Variants in ABLIM1 observed in about 807,000 individuals in gnomAD.
ABLIM1 encodes actin binding LIM protein 1.
A neutral mutation model predicts 107.0 loss-of-function variants in ABLIM1; 40 were observed. The observed-to-expected ratio is 0.37, with a 90% CI of 0.29 to 0.49. The LOEUF (loss-of-function observed/expected upper bound fraction) is 0.49, where lower values mean the gene tolerates loss of function less well. Ranked by LOEUF, ABLIM1 falls within the 20% of genes least tolerant of loss-of-function variation. ABLIM1 has a pLI of 0.97. For synonymous variants in ABLIM1, 357 were observed against 357.3 expected (o/e 1.00, Z 0.01); for missense variants, 857 against 1,008.5 (o/e 0.85, Z 2.04).
intron 1 of ABLIM1, among the ~76,000 whole-genome samples, chr10:114,725,953 G>C (rs568526240): frequency 6.6e-6 from 1 of 152,058 alleles, no homozygotes; most frequent in Admixed American, 6.5e-5. Flanking sequence ...TCGCTATTTG[G>C]CCTGGGCTGG....
intron 1 of ABLIM1, among the ~76,000 whole-genome samples, chr10:114,675,120 T>G (rs2080424211): frequency 6.6e-6 from 1 of 152,178 alleles, no homozygotes; most frequent in Non-Finnish European, 1.5e-5. Flanking sequence ...CTATGTTCCA[T>G]TCACCCTATG....
At chr10:114,543,565 C>A (rs963469198) in intron 6 of ABLIM1, among the ~76,000 whole-genome samples, 1 of 152,192 alleles carries the variant, frequency 6.6e-6, no homozygotes, top group African/African-American at 2.4e-5. Flanking sequence ...TTCTACCTTT[C>A]GGCTGATGTG....
Position 114,439,192 on chromosome 10 carries a change from T to C in ABLIM1, c.2126A>G (p.Asn709Ser). ...MRMDRGVSMP[N>S]MLEPKIFPYE... Reference sequence around the variant, plus strand: ...TGCACTTGCCTTTGGTTCCAACATGTTGGGCATAGACACTCCTCGGTCCAT... The same window carrying C: ...TGCACTTGCCTTTGGTTCCAACATGCTGGGCATAGACACTCCTCGGTCCAT... Residue 709 changes from asparagine to serine, a missense_variant, in exon 21 of 23, where the codon AAC becomes AGC. Physicochemically the swap from Asn to Ser is conservative, Grantham distance 46. This residue lies in a region of ABLIM1 where 193 missense variants were observed against 208.5 expected (regional missense o/e 0.93). Coordinates refer to ENST00000533213, the MANE Select transcript of ABLIM1 (RefSeq NM_002313.7). The C allele has an allele frequency of 6.2e-7, 1 of 1,614,250 alleles. No homozygotes were observed. Among genetic ancestry groups the C allele is most frequent in the East Asian group, 2.2e-5 (1 of 44,882 alleles).
At chr10:114,790,467 A>G in the ABLIM1 span, among the ~76,000 whole-genome samples, 1 of 152,226 alleles carries the variant, frequency 6.6e-6, no homozygotes, top group Non-Finnish European at 1.5e-5. Flanking sequence ...TAGTGAATTT[A>G]AATTGTGTGT....
At chr10:114,436,791 G>A (rs2059464771) in intron 22 of ABLIM1, among the ~76,000 whole-genome samples, 1 of 152,006 alleles carries the variant, frequency 6.6e-6, no homozygotes, top group Non-Finnish European at 1.5e-5. Context: ...GAGGAATAGG[G>A]GGTAAGGTGG....
chr10:114,633,036 C>T (rs1264904067), intron 1 of ABLIM1, among the ~76,000 whole-genome samples: 1 of 152,180 alleles, frequency 6.6e-6, no homozygotes, highest in Non-Finnish European at 1.5e-5. Context: ...CTTACCGGGT[C>T]CCGACCGCAT....
intron 1 of ABLIM1, among the ~76,000 whole-genome samples, chr10:114,635,150 TTTTA>T (rs1446045343): frequency 6.6e-6 from 1 of 152,090 alleles, no homozygotes; most frequent in African/African-American, 2.4e-5. Context: ...CAACCCACGG[TTTTA>T]TTTGTTGTTT....
intron 4 of ABLIM1, 39 bp downstream of exon 4, chr10:114,571,258 A>G (rs1331187628): frequency 1.3e-6 from 2 of 1,566,470 alleles, no homozygotes; most frequent in South Asian, 1.1e-5. Flanking sequence ...CCTCTGGACT[A>G]CATAGGTATT....
At chr10:114,440,146 A>G in intron 19 of ABLIM1, 57 bp from the exon 20 acceptor site, 2 of 1,508,382 alleles carry the variant, frequency 1.3e-6, no homozygotes, top group South Asian at 2.3e-5. Flanking sequence ...AAAGCAAGGA[A>G]CCATTCACAG....
chr10:114,652,667 C>G (rs2079305445), intron 1 of ABLIM1, among the ~76,000 whole-genome samples: 1 of 152,236 alleles, frequency 6.6e-6, no homozygotes, highest in African/African-American at 2.4e-5. Context: ...CAGCTGACAA[C>G]ATAATCACTG....
exon 1 of ABLIM1, chr10:114,684,397 G>A (rs1182050393): frequency 1.2e-6 from 2 of 1,612,792 alleles, no homozygotes; most frequent in Non-Finnish European, 1.7e-6. Context: ...TAGGCATCTG[G>A]CACACAGAAA....
chr10:114,670,151 G>C (rs2141374548), intron 1 of ABLIM1, among the ~76,000 whole-genome samples: 1 of 152,274 alleles, frequency 6.6e-6, no homozygotes, highest in Middle Eastern at 3.4e-3. Flanking sequence ...GCGGGCCAAA[G>C]GAAACATCAC....
At chr10:114,448,084 C>A in intron 14 of ABLIM1, 64 bp from the exon 15 acceptor site, 2 of 1,598,432 alleles carry the variant, frequency 1.3e-6, no homozygotes, top group Admixed American at 1.7e-5. Flanking sequence ...GCGGTACAAC[C>A]CCACTTACAT....
intron 4 of ABLIM1, among the ~76,000 whole-genome samples, chr10:114,556,776 G>A (rs1403127821): frequency 6.6e-6 from 1 of 152,154 alleles, no homozygotes. Flanking sequence ...ACACCTAGGA[G>A]TTGACAAATA....
intron 1 of ABLIM1, among the ~76,000 whole-genome samples, chr10:114,719,720 G>T (rs906411185): frequency 6.6e-6 from 1 of 152,182 alleles, no homozygotes; most frequent in African/African-American, 2.4e-5. Flanking sequence ...TCTGGCTGAA[G>T]TCAGGCTCCC....
chr10:114,595,855 T>C (rs977711221), intron 2 of ABLIM1, among the ~76,000 whole-genome samples: 1 of 152,192 alleles, frequency 6.6e-6, no homozygotes, highest in Non-Finnish European at 1.5e-5. Flanking sequence ...CACAGTTATA[T>C]AGCTTCAGCC....
At chr10:114,602,714 G>T (rs1318205651) in intron 1 of ABLIM1, among the ~76,000 whole-genome samples, 1 of 152,206 alleles carries the variant, frequency 6.6e-6, no homozygotes, top group African/African-American at 2.4e-5. Flanking sequence ...ATTGGCCCAG[G>T]GAATTTATAG....
chr10:114,656,081 G>A (rs1022984863), intron 1 of ABLIM1, among the ~76,000 whole-genome samples: 3 of 152,044 alleles, frequency 2.0e-5, no homozygotes, highest in Non-Finnish European at 4.4e-5. Context: ...GACCAGCCTG[G>A]CCAACATGGT....
intron 1 of ABLIM1, among the ~76,000 whole-genome samples, chr10:114,745,028 G>A (rs769751750): frequency 5.3e-5 from 8 of 151,854 alleles, no homozygotes; most frequent in African/African-American, 9.7e-5. Flanking sequence ...CACAACCCCC[G>A]CTTCCCTCTC....
Sources: allele counts gnomAD v4.1 joint callset (sites outside exome capture counted in the v4.1 genomes callset), GRCh38; gene constraint gnomAD v4.1.1; regional missense constraint gnomAD v4.1.1; transcripts MANE v1.5; gene names NCBI Gene and HGNC (gene_info 2026-07-23, HGNC 2026-07-21).